Variants in STARD8 observed in about 807,000 individuals in gnomAD.
STARD8 encodes the protein StAR related lipid transfer domain containing 8, also known as stAR-related lipid transfer protein 8.
A neutral mutation model predicts 69.4 loss-of-function variants in STARD8; 25 were observed. The observed-to-expected ratio is 0.36, with a 90% confidence interval of 0.26 to 0.50. STARD8 has a LOEUF of 0.50. Ranked by LOEUF, STARD8 falls within the 20% of genes least tolerant of loss-of-function variation. The pLI is 0.96. For synonymous variants in STARD8, 389 were observed against 374.6 expected (o/e 1.04, Z -0.45); for missense variants, 921 against 932.5 (o/e 0.99, Z 0.16).
intron 3 of STARD8, 66 bp from the exon 4 acceptor site, chrX:68,715,228 A>G (rs1214583232): frequency 1.2e-5 from 12 of 1,002,415 alleles, no homozygotes; most frequent in Non-Finnish European, 1.5e-5. Context: ...CTTCCAGCCC[A>G]AGGGCTGCTG....
chrX:68,717,283 C>T lies in STARD8; in HGVS notation c.369C>T (p.Cys123=). ...SHWAFQQESK[C]WSPMGSSDLL... Reference sequence around the variant, plus strand: ...GGGCCTTCCAGCAGGAAAGTAAGTGCTGGTCTCCTATGGGGTCCTCTGATC... The same window carrying T: ...GGGCCTTCCAGCAGGAAAGTAAGTGTTGGTCTCCTATGGGGTCCTCTGATC... The change falls in exon 6 of 15, where the codon TGC becomes TGT. Residue 123 remains cysteine, a synonymous_variant. Transcript: ENST00000374599. 8.3e-7 allele frequency: 1 copy of T among 1,205,537 alleles called. No homozygotes were observed. Among genetic ancestry groups the T allele is most frequent in the Non-Finnish European group, 1.1e-6 (1 of 892,415 alleles).
At chrX:68,701,363 G>A (rs2079964737) in intron 2 of STARD8, among the ~76,000 whole-genome samples, 1 of 112,915 alleles carries the variant, frequency 8.9e-6, no homozygotes, top group Non-Finnish European at 1.9e-5. Flanking sequence ...GGACCCAGGT[G>A]GTCTGACTCC....
At position 68,722,416 on chromosome X, in the gene STARD8, T is replaced by A; in HGVS notation, c.2575-6T>A. On this transcript the variant is annotated splice_polypyrimidine_tract_variant and splice_region_variant and intron_variant, in intron 11 of 14. Coordinates refer to ENST00000374599, the MANE Select transcript of STARD8 (RefSeq NM_001142503.3). ...GCTGCAGCCCATTGTGTGTGTGCCC[T>A]CTCAGGTGCCCCAGGACATGGTGCT... The A allele has an allele frequency of 8.4e-7, 1 of 1,188,901 alleles. No individual in the cohort carries two copies. Among genetic ancestry groups the A allele is most frequent in the Non-Finnish European group, 1.1e-6 (1 of 884,244 alleles).
chrX:68,670,687 C>A (rs1401386280), intron 2 of STARD8, among the ~76,000 whole-genome samples: 1 of 111,171 alleles, frequency 9.0e-6, no homozygotes, highest in Non-Finnish European at 1.9e-5. Flanking sequence ...CTACTGGACA[C>A]TTCCACCAGA....
At chrX:68,666,269 C>T (rs1247926879) in intron 2 of STARD8, among the ~76,000 whole-genome samples, 1 of 112,243 alleles carries the variant, frequency 8.9e-6, no homozygotes, top group Non-Finnish European at 1.9e-5. Context: ...ATCAGCTGGG[C>T]TTTGCTAAGG....
In STARD8 at chrX:68,719,242, G is replaced by A; in HGVS notation, c.1733G>A (p.Ser578Asn). Residue 578 changes from serine to asparagine, a missense_variant, in exon 7 of 15, where the codon AGC becomes AAC. Ser to Asn is a conservative substitution (Grantham distance 46). Coordinates refer to ENST00000374599, the MANE Select transcript of STARD8 (RefSeq NM_001142503.3). ...CCCACCAGGAAGCTCCGTTGGCATA[G>A]CTTCCAGAACTCCCATCGTCCCAGC... ...TRPCRKLRWH[S>N]FQNSHRPSLN... 1 of 1,189,210 alleles carries A rather than the reference G, an allele frequency of 8.4e-7. No individual in the cohort carries two copies. The highest frequency in any genetic ancestry group is 3.0e-5 in the East Asian group (1 of 33,327).
intron 2 of STARD8, among the ~76,000 whole-genome samples, chrX:68,671,821 C>G (rs759662571): frequency 8.9e-6 from 1 of 112,167 alleles, no homozygotes; most frequent in South Asian, 3.8e-4. Context: ...GCTTTTGAAA[C>G]TGAGTACTGA....
chrX:68,688,004 G>A (rs967517438), intron 2 of STARD8, among the ~76,000 whole-genome samples: 1 of 112,822 alleles, frequency 8.9e-6, no homozygotes, highest in Admixed American at 9.3e-5. Context: ...CCCAGTGCCC[G>A]GCACAGACAA....
At chrX:68,713,282 C>T (rs1038116074) in intron 3 of STARD8, among the ~76,000 whole-genome samples, 3 of 112,719 alleles carry the variant, frequency 2.7e-5, no homozygotes, top group Non-Finnish European at 3.7e-5. Flanking sequence ...TAGGTACACA[C>T]GGTGTGAAGA....
At chrX:68,659,723 G>A (rs1185481694) in intron 1 of STARD8, among the ~76,000 whole-genome samples, 1 of 111,642 alleles carries the variant, frequency 9.0e-6, no homozygotes, top group African/African-American at 3.3e-5. Context: ...TCTCCTCCCT[G>A]GCCCTACTCT....
Position 68,713,100 on chromosome X carries a change from C to T in STARD8, c.151+115C>T, listed in dbSNP as rs1268273508. 1.2e-5 allele frequency: 9 copies of T among 754,738 alleles called. No homozygotes were observed. In the Admixed American group the frequency reaches 2.6e-4, roughly 22 times the overall value. The allele number at this position is 754,738 out of a possible 1,213,427, so 62.2% of individuals were successfully genotyped here. On this transcript the variant is annotated intron_variant, in intron 3 of 14. Transcript: ENST00000374599. ...ACTACACACAAGCAGTGTCTCCTGG[C>T]CCTGCTCCGATTTTTTTCAGGGACT...
At chrX:68,679,483 T>TG (rs2079787235) in intron 2 of STARD8, among the ~76,000 whole-genome samples, 1 of 111,224 alleles carries the variant, frequency 9.0e-6, no homozygotes, top group African/African-American at 3.3e-5. Context: ...AAAGGCAGAG[T>TG]GGGGTACCAG....
At chrX:68,696,480 G>A (rs762400267) in intron 2 of STARD8, among the ~76,000 whole-genome samples, 1 of 112,191 alleles carries the variant, frequency 8.9e-6, no homozygotes, top group Non-Finnish European at 1.9e-5. Context: ...AGCCCTGCAG[G>A]TTGGTAACTT....
intron 1 of STARD8, among the ~76,000 whole-genome samples, chrX:68,653,469 C>T (rs1356238146): frequency 4.7e-5 from 3 of 64,311 alleles, no homozygotes; most frequent in East Asian, 1.1e-3. Flanking sequence ...ACACACCCCA[C>T]ACCCCACACA....
chrX:68,699,935 A>G (rs1261479122), intron 2 of STARD8, among the ~76,000 whole-genome samples: 1 of 111,615 alleles, frequency 9.0e-6, no homozygotes, highest in Non-Finnish European at 1.9e-5. Context: ...GTGCCCCCAT[A>G]GTGGAGGACA....
rs891503064 is a variant in STARD8 at position 68,723,524 on chromosome X, T to C, written c.2800-102T>C. On this transcript the variant is annotated intron_variant, in intron 12 of 14. Transcript: ENST00000374599. Reference sequence around the variant, plus strand: ...AGCAGAGGAGCTCTGCAGCCTACCCTATTAAGCCTCAGGCCCTGCAGTTTG... The same window carrying C: ...AGCAGAGGAGCTCTGCAGCCTACCCCATTAAGCCTCAGGCCCTGCAGTTTG... 19 of 721,992 alleles carry C rather than the reference T, an allele frequency of 2.6e-5. No individual in the cohort carries two copies. In the South Asian group the frequency reaches 4.1e-4, roughly 16 times the overall value. The allele number at this position is 721,992 out of a possible 1,213,427, so 59.5% of individuals were successfully genotyped here.
Position 68,693,908 on chromosome X carries a change from C to T in STARD8, c.80-19006C>T, listed in dbSNP as rs781464353. 9.3e-5 allele frequency: 62 copies of T among 668,678 alleles called. No homozygotes were observed. In the African/African-American group the frequency reaches 1.4e-3, roughly 15 times the overall value. The allele number at this position is 668,678 out of a possible 1,213,427, so 55.1% of individuals were successfully genotyped here. Reference sequence around the variant, plus strand: ...CCCTCTCCCCGCTTTGCCTCTCTGGCGCGCTCCGGCTCGGCCCTTCTCCTA... The same window carrying T: ...CCCTCTCCCCGCTTTGCCTCTCTGGTGCGCTCCGGCTCGGCCCTTCTCCTA... On this transcript the variant is annotated intron_variant, in intron 2 of 14. Coordinates refer to ENST00000374599, the MANE Select transcript of STARD8 (RefSeq NM_001142503.3).
rs1196246566 is a variant in STARD8 at position 68,725,576 on chromosome X, ATATGTG to A, written c.*1156_*1161del. The A allele has an allele frequency of 3.7e-4, 39 of 104,459 alleles. No individual in the cohort carries two copies. The highest frequency in any genetic ancestry group is 1.2e-3 in the African/African-American group (33 of 27,586). 8.6% of individuals were successfully genotyped at this position (104,459 alleles called of 1,213,427 possible). On this transcript the variant is annotated 3_prime_UTR_variant, in exon 15 of 15. Coordinates refer to ENST00000374599, the MANE Select transcript of STARD8 (RefSeq NM_001142503.3). ...AGCTAATATATATATATATATATATATATGTGTGTGTGTGTGTGTGTGTATATGTGT... is the reference window on the plus strand; with the variant it reads ...AGCTAATATATATATATATATATATATGTGTGTGTGTGTGTGTATATGTGT...
intron 1 of STARD8, among the ~76,000 whole-genome samples, chrX:68,653,232 CCACACACACACACCACACAT>C (rs2079577742): frequency 1.6e-5 from 1 of 62,415 alleles, no homozygotes; most frequent in Non-Finnish European, 3.1e-5. Flanking sequence ...ACACACCACA[CCACACACACACACCACACAT>C]ACACCACACA....
Sources: allele counts gnomAD v4.1 joint callset (sites outside exome capture counted in the v4.1 genomes callset), GRCh38; gene constraint gnomAD v4.1.1; transcripts MANE v1.5; gene names NCBI Gene and HGNC (gene_info 2026-07-23, HGNC 2026-07-21).